Variants in VAV2 observed in about 807,000 individuals in gnomAD.
VAV2 encodes the protein vav guanine nucleotide exchange factor 2, also known as guanine nucleotide exchange factor VAV2.
Under a neutral mutation model 132.5 loss-of-function variants are expected in VAV2, and 67 were observed. The ratio of observed to expected loss-of-function variants is 0.51; its 90% CI spans 0.42 to 0.62. The LOEUF (loss-of-function observed/expected upper bound fraction) is 0.62. Ranked by LOEUF, VAV2 falls within the 20% of genes least tolerant of loss-of-function variation. The pLI is 0.00. For missense variants in VAV2, 938 were observed against 1,153.6 expected, an observed-to-expected ratio of 0.81 and a Z score of 2.71; for synonymous variants, 492 against 443.5, an observed-to-expected ratio of 1.11 and a Z score of -1.37.
At chr9:133,957,269 G>A (rs762828640) in intron 1 of VAV2, among the ~76,000 whole-genome samples, 3 of 147,706 alleles carry the variant, frequency 2.0e-5, no homozygotes, top group Admixed American at 6.6e-5. Context: ...GGGATGAAAC[G>A]GGTTTGTTTT....
chr9:133,835,400 C>T (rs537882465), intron 3 of VAV2, among the ~76,000 whole-genome samples: 18 of 101,896 alleles, frequency 1.8e-4, no homozygotes, highest in East Asian at 1.5e-3. Context: ...CGGGGAGAGG[C>T]GGAAGGGAGG....
chr9:133,931,846 G>A (rs2132109762), intron 2 of VAV2, among the ~76,000 whole-genome samples: 1 of 152,332 alleles, frequency 6.6e-6, no homozygotes, highest in Non-Finnish European at 1.5e-5. Flanking sequence ...CACCTGGGGA[G>A]GGAGGACAGC....
chr9:133,777,904 C>T (rs759723997), intron 22 of VAV2, among the ~76,000 whole-genome samples: 4 of 152,178 alleles, frequency 2.6e-5, no homozygotes, highest in Admixed American at 6.5e-5. Context: ...TGAACATTAA[C>T]AAACATTCGG....
intron 23 of VAV2, among the ~76,000 whole-genome samples, chr9:133,777,021 C>G (rs955280234): frequency 1.3e-5 from 2 of 152,146 alleles, no homozygotes; most frequent in African/African-American, 4.8e-5. Flanking sequence ...TTGAGGGGAG[C>G]CTTTTTTTCT....
chr9:133,982,420 A>C (rs143151518), intron 1 of VAV2, among the ~76,000 whole-genome samples: 3 of 125,666 alleles, frequency 2.4e-5, no homozygotes, highest in Non-Finnish European at 5.5e-5. Context: ...GCAGGAGGCC[A>C]CAAGAGGGGA....
rs546491647 is a variant in VAV2 at position 133,844,183 on chromosome 9, T to C, written c.381-9843A>G. Among the ~76,000 whole-genome samples the C allele has an allele frequency of 4.6e-5, 7 of 152,292 alleles. No homozygotes were observed. The South Asian group carries it at 1.5e-3, about 32-fold the overall frequency. Reference sequence around the variant, plus strand: ...GGAAGGGGCCTGGCGTGGCTGCTGATTACAGAGGAATGTGACTTCTCAGCA... The same window carrying C: ...GGAAGGGGCCTGGCGTGGCTGCTGACTACAGAGGAATGTGACTTCTCAGCA... On this transcript the variant is annotated intron_variant, in intron 3 of 29. Coordinates refer to ENST00000371850, the MANE Select transcript of VAV2 (RefSeq NM_001134398.2).
chr9:133,808,918 C>T, intron 7 of VAV2, 122 bp downstream of exon 7: 1 of 882,840 alleles, frequency 1.1e-6, no homozygotes, highest in South Asian at 1.9e-5. Context: ...GCCACCAAGT[C>T]TCCTTCGCCT....
At chr9:133,848,720 G>A (rs1478011248) in intron 3 of VAV2, among the ~76,000 whole-genome samples, 1 of 152,210 alleles carries the variant, frequency 6.6e-6, no homozygotes, top group Non-Finnish European at 1.5e-5. Context: ...GAAAGCCATG[G>A]GCTGGGGGTG....
Position 133,885,004 on chromosome 9 carries a change from G to A in VAV2, c.322-23572C>T, listed in dbSNP as rs965542112. On this transcript the variant is annotated intron_variant, in intron 2 of 29. Transcript: ENST00000371850. The surrounding 1 kb of genome is among the most constrained non-coding windows in gnomAD (Gnocchi z 5.0). ...TCATTCCAAAGACTCCAAAGATAAT[G>A]CCAAAGGCTCCACTTCCAGGCCGAT... Among the ~76,000 whole-genome samples the A allele has an allele frequency of 6.6e-5, 10 of 152,030 alleles. No individual in the cohort carries two copies. The highest frequency in any genetic ancestry group is 2.0e-4 in the Admixed American group (3 of 15,264).
At chr9:133,860,685 CCT>C (rs1156275029) in intron 3 of VAV2, among the ~76,000 whole-genome samples, 2 of 152,168 alleles carry the variant, frequency 1.3e-5, no homozygotes, top group Non-Finnish European at 2.9e-5. Flanking sequence ...CCTGCTGGCC[CCT>C]GTCCTCCCAA....
chr9:133,960,805 G>A (rs987085812), intron 1 of VAV2, among the ~76,000 whole-genome samples: 1 of 152,186 alleles, frequency 6.6e-6, no homozygotes, highest in African/African-American at 2.4e-5. Flanking sequence ...CCTCCCTGAG[G>A]GAAGAAGAAC....
rs143881049 is a variant in VAV2 at position 133,954,259 on chromosome 9, T to C, written c.205-15040A>G. On this transcript the variant is annotated intron_variant, in intron 1 of 29. Coordinates refer to ENST00000371850, the MANE Select transcript of VAV2 (RefSeq NM_001134398.2). ...CATGTGCCTGGTGTCCCTCTGTCCATCTGCCCATCTGTCCATCCGCCCACC... is the reference window on the plus strand; with the variant it reads ...CATGTGCCTGGTGTCCCTCTGTCCACCTGCCCATCTGTCCATCCGCCCACC... 3.3e-3 allele frequency among the ~76,000 whole-genome samples: 505 copies of C among 152,322 alleles called. 5 individuals carry two copies. Among genetic ancestry groups the C allele is most frequent in the African/African-American group, 0.012 (482 of 41,574 alleles).
rs1413616735 is a variant in VAV2 at position 133,935,743 on chromosome 9, C to A, written c.321+3360G>T. Among the ~76,000 whole-genome samples, 1 of 152,228 alleles carries A rather than the reference C, an allele frequency of 6.6e-6. No individual in the cohort carries two copies. The highest frequency in any genetic ancestry group is 2.1e-4 in the South Asian group (1 of 4,834). On this transcript the variant is annotated intron_variant, in intron 2 of 29. Transcript: ENST00000371850. The surrounding 1 kb of genome is among the most constrained non-coding windows in gnomAD (Gnocchi z 5.2). ...GGAAGTGCTGACCACAGCTTGACCA[C>A]GGTAGGAAAAACATCCAGGGAAGGA...
intron 2 of VAV2, among the ~76,000 whole-genome samples, chr9:133,937,445 CTG>C (rs1158499567): frequency 2.2e-5 from 3 of 137,094 alleles, no homozygotes; most frequent in Non-Finnish European, 3.3e-5. Context: ...TGTATGTGAG[CTG>C]TGTGTGTCTG....
chr9:133,834,398 A>C lies in VAV2; in HGVS notation c.381-58T>G. The C allele has an allele frequency of 6.4e-7, 1 of 1,562,736 alleles. No individual in the cohort carries two copies. Among genetic ancestry groups the C allele is most frequent in the Non-Finnish European group, 8.7e-7 (1 of 1,146,616 alleles). ...GGTCCCGGCACTGCCGGCCAGTGGGACCCCAGCTGGACCCCACAGCAGAGC... is the reference window on the plus strand; with the variant it reads ...GGTCCCGGCACTGCCGGCCAGTGGGCCCCCAGCTGGACCCCACAGCAGAGC... On this transcript the variant is annotated intron_variant, in intron 3 of 29. Transcript: ENST00000371850. This position sits in a 1 kb window ranked among gnomAD's most constrained non-coding sequence, Gnocchi z 5.9.
At chr9:133,781,641 G>T (rs1834010515) in intron 19 of VAV2, among the ~76,000 whole-genome samples, 2 of 152,232 alleles carry the variant, frequency 1.3e-5, no homozygotes, top group African/African-American at 4.8e-5. Context: ...AGGGGTGAAG[G>T]CTACAATGGT....
chr9:133,927,857 T>G (rs1290360603), intron 2 of VAV2: 1 of 152,152 alleles, frequency 6.6e-6, no homozygotes, highest in Admixed American at 6.5e-5. Context: ...TCCCAGAGCT[T>G]GAACTCAGGT....
intron 1 of VAV2, among the ~76,000 whole-genome samples, chr9:133,946,156 G>A (rs1220321042): frequency 6.6e-6 from 1 of 152,194 alleles, no homozygotes; most frequent in Non-Finnish European, 1.5e-5. Context: ...TCATCACCAT[G>A]GTCCCACCCT....
At chr9:133,825,858 AAAG>A (rs1440713123) in intron 4 of VAV2, among the ~76,000 whole-genome samples, 1 of 152,212 alleles carries the variant, frequency 6.6e-6, no homozygotes, top group Non-Finnish European at 1.5e-5. Context: ...CCCCATGTAG[AAAG>A]AAGACGTCCA....
Sources: gnomAD v4.1 joint callset for allele counts (sites outside exome capture counted in the v4.1 genomes callset) on GRCh38, gnomAD v4.1.1 for gene constraint, Gnocchi (gnomAD v3.1) non-coding constraint, MANE v1.5 for transcripts, NCBI Gene and HGNC (gene_info 2026-07-23, HGNC 2026-07-21) for gene names.